Variants in PREX1 observed in about 807,000 individuals in gnomAD.
PREX1 encodes the protein phosphatidylinositol 3,4,5-trisphosphate-dependent Rac exchanger 1 protein.
In PREX1, 41 loss-of-function variants were observed where a neutral mutation model predicts 198.3. The ratio of observed to expected loss-of-function variants is 0.21; its 90% confidence interval spans 0.16 to 0.27. The LOEUF is 0.27. PREX1 is among the 10% of genes least tolerant of loss of function. The pLI, the probability that PREX1 is intolerant of heterozygous loss-of-function variation, is 1.00. For missense variants in PREX1, 1,620 were observed against 2,200.7 expected, an observed-to-expected ratio of 0.74 and a Z score of 5.28; for synonymous variants, 843 against 887.2, an observed-to-expected ratio of 0.95 and a Z score of 0.89.
intron 1 of PREX1, among the ~76,000 whole-genome samples, chr20:48,755,806 C>A (rs2090153891): frequency 6.6e-6 from 1 of 152,224 alleles, no homozygotes. Context: ...GACAGAGGGG[C>A]ATTCTAAAGA....
chr20:48,798,280 T>A (rs1331893767), intron 1 of PREX1, among the ~76,000 whole-genome samples: 1 of 152,076 alleles, frequency 6.6e-6, no homozygotes, highest in Non-Finnish European at 1.5e-5. Flanking sequence ...TCTATCTCCA[T>A]CCACCTCCTG....
At chr20:48,803,738 C>T (rs1262891954) in intron 1 of PREX1, among the ~76,000 whole-genome samples, 4 of 152,350 alleles carry the variant, frequency 2.6e-5, no homozygotes, top group South Asian at 2.1e-4. Flanking sequence ...TCTACACTGA[C>T]GAACCTGTGA....
the PREX1 span, among the ~76,000 whole-genome samples, chr20:48,839,072 A>C: frequency 1.4e-5 from 2 of 147,862 alleles, no homozygotes; most frequent in African/African-American, 5.0e-5. Context: ...GGGGAGTGGG[A>C]TAATTATGGG....
At position 48,726,327 on chromosome 20, in the gene PREX1, G is replaced by A. The variant is rs762567818; in HGVS notation, c.584C>T (p.Pro195Leu). The change falls in exon 5 of 40, where the codon CCG (proline) becomes CTG (leucine). Residue 195 changes from proline (P) to leucine (L), a missense_variant. Pro to Leu is a moderately conservative substitution (Grantham distance 98). This residue lies in a region of PREX1 where 488 missense variants were observed against 802.5 expected (regional missense o/e 0.61). Transcript: ENST00000371941. ...DIPLEGYLLS[P>L]IQRICKYPLL... ...CGGGTACTTGCAGATCCTCTGGATC[G>A]GAGACAACAGGTAGCCTTCCAAAGG... The A allele has an allele frequency of 1.9e-6, 3 of 1,613,866 alleles. No homozygotes were observed. The highest frequency in any genetic ancestry group is 1.7e-5 in the Admixed American group (1 of 60,000).
chr20:48,857,006 A>C, the PREX1 span, among the ~76,000 whole-genome samples: 2 of 152,014 alleles, frequency 1.3e-5, no homozygotes, highest in Non-Finnish European at 2.9e-5. Flanking sequence ...TGCCCGGCTA[A>C]TTTTTGTATT....
At chr20:48,778,575 G>C in intron 1 of PREX1, among the ~76,000 whole-genome samples, 1 of 151,858 alleles carries the variant, frequency 6.6e-6, no homozygotes. Context: ...GGGTGACAGA[G>C]TGAGACTCCG....
chr20:48,865,251 G>T, the PREX1 span, among the ~76,000 whole-genome samples: 1 of 152,178 alleles, frequency 6.6e-6, no homozygotes, highest in Admixed American at 6.5e-5. Context: ...GCAGTTTCAG[G>T]TCTAGGGGTT....
At chr20:48,823,247 C>T (rs1240247790) in intron 1 of PREX1, among the ~76,000 whole-genome samples, 3 of 152,116 alleles carry the variant, frequency 2.0e-5, no homozygotes, top group Non-Finnish European at 2.9e-5. Flanking sequence ...TCCCACCCAC[C>T]GGCCTCTCTG....
At chr20:48,690,327 C>T (rs2089811669) in intron 9 of PREX1, among the ~76,000 whole-genome samples, 1 of 152,148 alleles carries the variant, frequency 6.6e-6, no homozygotes, top group African/African-American at 2.4e-5. Context: ...CAACCCTCTA[C>T]AGCAGGAACT....
At chr20:48,661,501 T>C (rs1293589201) in intron 15 of PREX1, among the ~76,000 whole-genome samples, 3 of 129,002 alleles carry the variant, frequency 2.3e-5, no homozygotes, top group Non-Finnish European at 4.7e-5. Context: ...ATATATAGTA[T>C]GTATATAACA....
At chr20:48,682,770 C>G (rs2089760360) in intron 10 of PREX1, among the ~76,000 whole-genome samples, 1 of 152,148 alleles carries the variant, frequency 6.6e-6, no homozygotes, top group Non-Finnish European at 1.5e-5. Context: ...TCAAACTCAG[C>G]AGGAAAAGGG....
rs115361439 is a variant in PREX1, at chr20:48,758,927, C to T, written c.220-11047G>A. Among the ~76,000 whole-genome samples, 485 of 152,204 alleles carry T rather than the reference C, an allele frequency of 3.2e-3. 3 individuals are homozygous for T. The highest frequency in any genetic ancestry group is 0.011 in the African/African-American group (467 of 41,510). On this transcript the variant is annotated intron_variant, in intron 1 of 39. Transcript: ENST00000371941. ...CCCACCTGAATCCAGGCTGCATCTG[C>T]GGGGAACCCATACACATTCCCCTGC...
intron 3 of PREX1, among the ~76,000 whole-genome samples, chr20:48,743,276 C>A (rs1314489539): frequency 6.6e-6 from 1 of 152,158 alleles, no homozygotes; most frequent in Non-Finnish European, 1.5e-5. Flanking sequence ...CTCCTCTGAA[C>A]CCAAAGGAAA....
chr20:48,652,536 G>C (rs761021766), intron 21 of PREX1, 50 bp downstream of exon 21: 2 of 1,551,544 alleles, frequency 1.3e-6, no homozygotes, highest in Admixed American at 3.6e-5. Flanking sequence ...AGCCCCTCCG[G>C]AGTCTCAGTC....
chr20:48,679,126 G>A (rs2089729347), intron 13 of PREX1, among the ~76,000 whole-genome samples: 2 of 152,206 alleles, frequency 1.3e-5, no homozygotes, highest in Non-Finnish European at 1.5e-5. Context: ...AACTAGGAGG[G>A]AGGTTCAAGC....
Position 48,632,362 on chromosome 20 carries a change from G to C in PREX1, c.4441C>G (p.Pro1481Ala). 6.2e-7 allele frequency: 1 copy of C among 1,613,916 alleles called. No individual in the cohort carries two copies. Residue 1481 changes from proline (P) to alanine (A), a missense_variant, in exon 35 of 40, where the codon CCA becomes GCA. Physicochemically the swap from Pro to Ala is conservative, Grantham distance 27. Transcript: ENST00000371941. ...VLENVEGLPSPGSQAAEDLQQ... is the reference protein window; with the variant it reads ...VLENVEGLPSAGSQAAEDLQQ... ...AAATCCTCCGCGGCCTGGCTGCCTG[G>C]AGAAGGCAGCCCCTCCACGTTCTCC...
intron 1 of PREX1, among the ~76,000 whole-genome samples, chr20:48,775,339 C>T (rs1421123539): frequency 6.6e-6 from 1 of 151,910 alleles, no homozygotes; most frequent in Non-Finnish European, 1.5e-5. Context: ...GAGACGGGTG[C>T]TTTTTTAAAT....
rs1292371619 is a variant in PREX1 at position 48,650,121 on chromosome 20, C to T, written c.2903G>A (p.Cys968Tyr). 2.5e-6 allele frequency: 4 copies of T among 1,614,024 alleles called. No homozygotes were observed. The South Asian group carries it at 4.4e-5, about 18-fold the overall frequency. ...GAGGTTGATGTGGCAATTGGTGGGG[C>T]AGAAGTCCAGGCCACACAGCGGGTG... ...EPHPLCGLDFCPTNCHINLME... is the reference protein window; with the variant it reads ...EPHPLCGLDFYPTNCHINLME... The change falls in exon 24 of 40, where the codon TGC becomes TAC. Residue 968 changes from cysteine to tyrosine, a missense_variant. Cys to Tyr is a radical substitution (Grantham distance 194). Transcript: ENST00000371941.
At chr20:48,835,713 A>G in the PREX1 span, among the ~76,000 whole-genome samples, 2 of 152,250 alleles carry the variant, frequency 1.3e-5, no homozygotes, top group Non-Finnish European at 2.9e-5. Flanking sequence ...TGTATGAGCC[A>G]TATAGTTGAC....
Sources: allele counts gnomAD v4.1 joint callset (sites outside exome capture counted in the v4.1 genomes callset), GRCh38; gene constraint gnomAD v4.1.1; regional missense constraint gnomAD v4.1.1; transcripts MANE v1.5; gene names NCBI Gene and HGNC (gene_info 2026-07-23, HGNC 2026-07-21).